MAVS: variants seen among roughly 807,000 people sequenced by gnomAD.
The protein encoded by MAVS is mitochondrial antiviral signaling protein, also known as mitochondrial antiviral-signaling protein.
MAVS carries 20 observed loss-of-function variants against 30.2 expected under a neutral mutation model. The ratio of observed to expected loss-of-function variants is 0.66; its 90% CI spans 0.47 to 0.96. The LOEUF is 0.96. Ranked by LOEUF, MAVS falls within the 40% of genes least tolerant of loss-of-function variation. The probability of loss-of-function intolerance (pLI) is 0.00; values close to 1 mark genes in which losing one functional copy is unlikely to be tolerated. For missense variants in MAVS, 624 were observed against 701.1 expected, an observed-to-expected ratio of 0.89 and a Z score of 1.24; for synonymous variants, 278 against 293.9, an observed-to-expected ratio of 0.95 and a Z score of 0.55.
At chr20:3,858,963 C>T (rs1253003041) in intron 3 of MAVS, among the ~76,000 whole-genome samples, 1 of 151,780 alleles carries the variant, frequency 6.6e-6, no homozygotes, top group Non-Finnish European at 1.5e-5. Flanking sequence ...CTACACCTGG[C>T]TAATTTTTAA....
At chr20:3,859,102 T>C (rs1220832212) in intron 3 of MAVS, among the ~76,000 whole-genome samples, 1 of 151,554 alleles carries the variant, frequency 6.6e-6, no homozygotes, top group Non-Finnish European at 1.5e-5. Flanking sequence ...CATGCTTGCT[T>C]TTCTCTCCTT....
chr20:3,853,261 C>T (rs1328428132), intron 1 of MAVS, among the ~76,000 whole-genome samples: 20 of 150,170 alleles, frequency 1.3e-4, no homozygotes, highest in South Asian at 4.2e-4. Context: ...CCGAGGCGGG[C>T]GCATCACGAG....
In MAVS at chr20:3,874,068, A is replaced by C; in HGVS notation, c.*7921A>C. ...AAGCTACAGTGAAGTCACAGGGTCGAATACTACTGCACAGCAACGAATATG... is the reference window on the plus strand; with the variant it reads ...AAGCTACAGTGAAGTCACAGGGTCGCATACTACTGCACAGCAACGAATATG... On this transcript the variant is annotated 3_prime_UTR_variant, in exon 7 of 7. Coordinates refer to ENST00000428216, the MANE Select transcript of MAVS (RefSeq NM_020746.5). 1 of 398,626 alleles carries C rather than the reference A, an allele frequency of 2.5e-6. No individual in the cohort carries two copies. The highest frequency in any genetic ancestry group is 4.4e-6 in the Non-Finnish European group (1 of 226,082). 24.7% of individuals were successfully genotyped at this position (398,626 alleles called of 1,614,324 possible).
At chr20:3,860,409 T>A (rs1187118873) in intron 3 of MAVS, among the ~76,000 whole-genome samples, 1 of 145,856 alleles carries the variant, frequency 6.9e-6, no homozygotes, top group Non-Finnish European at 1.5e-5. Context: ...AGTCTCGCTC[T>A]TGTTGCCCAG....
At chr20:3,858,513 A>G (rs1202434163) in intron 3 of MAVS, among the ~76,000 whole-genome samples, 2 of 151,910 alleles carry the variant, frequency 1.3e-5, no homozygotes, top group African/African-American at 4.8e-5. Context: ...CCCCGTCTCT[A>G]CTAAAAATAC....
chr20:3,865,321 C>T lies in MAVS; in HGVS notation c.1159-362C>T, dbSNP rs1403712610. Among the ~76,000 whole-genome samples the T allele has an allele frequency of 2.0e-5, 3 of 152,176 alleles. No homozygotes were observed. Among genetic ancestry groups the T allele is most frequent in the Non-Finnish European group, 4.4e-5 (3 of 68,036 alleles). ...GCTGTCTGCTGGGAAGAGCCAAGTC[C>T]ATAGGGCCCTTTGGGCACATGGCCA... On this transcript the variant is annotated intron_variant, in intron 6 of 6. Coordinates refer to ENST00000428216, the MANE Select transcript of MAVS (RefSeq NM_020746.5). The surrounding 1 kb of genome is among the most constrained non-coding windows in gnomAD (Gnocchi z 4.7).
chr20:3,866,412 G>A lies in MAVS; in HGVS notation c.*265G>A, dbSNP rs2089909399. 2 of 506,704 alleles carry A rather than the reference G, an allele frequency of 3.9e-6. No homozygotes were observed. The highest frequency in any genetic ancestry group is 7.0e-6 in the Non-Finnish European group (2 of 286,824). The allele number at this position is 506,704 out of a possible 1,614,324, so 31.4% of individuals were successfully genotyped here. A position where few individuals can be genotyped will look rare whatever the true frequency, so the allele number is the denominator to read the frequency against. ...CCCAGTGCTCCAGACCTTCCCCACT[G>A]GCAATCCAGGTTATCATCCATGTCC... On this transcript the variant is annotated 3_prime_UTR_variant, in exon 7 of 7. Coordinates refer to ENST00000428216, the MANE Select transcript of MAVS (RefSeq NM_020746.5).
rs905175059 is a variant in MAVS at position 3,865,368 on chromosome 20, T to C, written c.1159-315T>C. ...GCCAGGCCTCTGACCCTGTGGCTGC[T>C]CTCTAGTTCTCAGGCCCAGGCAGGA... On this transcript the variant is annotated intron_variant, in intron 6 of 6. Transcript: ENST00000428216. This position sits in a 1 kb window ranked among gnomAD's most constrained non-coding sequence, Gnocchi z 4.7. Among the ~76,000 whole-genome samples, 2 of 152,136 alleles carry C rather than the reference T, an allele frequency of 1.3e-5. No homozygotes were observed. The highest frequency in any genetic ancestry group is 4.8e-5 in the African/African-American group (2 of 41,430).
intron 3 of MAVS, among the ~76,000 whole-genome samples, chr20:3,859,431 C>T (rs1473159184): frequency 1.9e-4 from 28 of 150,808 alleles, no homozygotes; most frequent in Admixed American, 1.3e-3. Flanking sequence ...TTGCTTGAAC[C>T]GGGGAGGTGG....
At chr20:3,861,591 C>A in intron 4 of MAVS, 87 bp downstream of exon 4, 1 of 1,396,570 alleles carries the variant, frequency 7.2e-7, no homozygotes, top group Non-Finnish European at 9.8e-7. Flanking sequence ...AAACCCTCTC[C>A]CGTCCCCTAT....
Position 3,874,472 on chromosome 20 carries a change from G to C in MAVS, c.*8325G>C, listed in dbSNP as rs1057222945. On this transcript the variant is annotated 3_prime_UTR_variant, in exon 7 of 7. Transcript: ENST00000428216. ...TTGCTTGTATTTGGCAGGGGTCAAA[G>C]GCAGGCAGGGACTGTGAAATGTTAT... is the stretch of plus-strand genomic sequence containing the variant. 6.2e-5 allele frequency: 23 copies of C among 369,118 alleles called. No homozygotes were observed. The highest frequency in any genetic ancestry group is 9.6e-5 in the Non-Finnish European group (20 of 207,374). 22.9% of individuals were successfully genotyped at this position (369,118 alleles called of 1,614,324 possible).
rs751897047 is a variant in MAVS, at chr20:3,857,770, G to A, written c.253G>A (p.Ala85Thr). 24 of 1,614,086 alleles carry A rather than the reference G, an allele frequency of 1.5e-5. No homozygotes were observed. The highest frequency in any genetic ancestry group is 5.0e-5 in the Admixed American group (3 of 60,006). Residue 85 changes from alanine to threonine, a missense_variant, in exon 3 of 7, where the codon GCG becomes ACG. Transcript: ENST00000428216. ...ALRGCELVDL[A>T]DEVASVYQSY... ...GAGGGGCTGTGAGCTAGTTGATCTC[G>A]CGGACGAAGTGGCCTCTGTCTACCA...
intron 3 of MAVS, among the ~76,000 whole-genome samples, chr20:3,859,380 A>T (rs184545501): frequency 0.015 from 2,338 of 151,888 alleles, 27 homozygotes; most frequent in Non-Finnish European, 0.024. Flanking sequence ...TGGTGGTGCA[A>T]GCCTGTAATC....
At position 3,864,569 on chromosome 20, in the gene MAVS, T is replaced by C. The variant is rs1315900873; in HGVS notation, c.939T>C (p.Pro313=). The change falls in exon 6 of 7, where the codon CCT becomes CCC. Residue 313 remains proline, a synonymous_variant. Transcript: ENST00000428216. ...TGAACACAGTGGCCCTGAAAGTGCC[T>C]GCCAACCCAGCATCTGTCAGCACAG... ...MPVNTVALKV[P]ANPASVSTVP... 1 of 1,614,174 alleles carries C rather than the reference T, an allele frequency of 6.2e-7. No homozygotes were observed. The highest frequency in any genetic ancestry group is 1.7e-5 in the Admixed American group (1 of 60,028).
intron 2 of MAVS, among the ~76,000 whole-genome samples, chr20:3,857,431 C>T (rs879308243): frequency 2.0e-5 from 3 of 152,244 alleles, no homozygotes; most frequent in Admixed American, 1.3e-4. Flanking sequence ...TGCCAGTTTC[C>T]GGCAGCTGCC....
intron 1 of MAVS, among the ~76,000 whole-genome samples, chr20:3,851,972 G>T (rs1191515304): frequency 2.1e-5 from 3 of 142,488 alleles, no homozygotes; most frequent in Non-Finnish European, 4.5e-5. Flanking sequence ...AAGAAAAAAA[G>T]AATGTATGTG....
At chr20:3,859,133 TCC>T (rs2089839659) in intron 3 of MAVS, among the ~76,000 whole-genome samples, 3 of 53,306 alleles carry the variant, frequency 5.6e-5, no homozygotes, top group African/African-American at 5.5e-4. Flanking sequence ...TTGCTTTTCC[TCC>T]CTCCCTCCCT....
chr20:3,853,426 C>T (rs1219913055), intron 1 of MAVS, among the ~76,000 whole-genome samples: 1 of 149,704 alleles, frequency 6.7e-6, no homozygotes, highest in Non-Finnish European at 1.5e-5. Context: ...GCGGAGCTTG[C>T]AGTGAGCCGA....
At chr20:3,853,334 A>C (rs1440709338) in intron 1 of MAVS, among the ~76,000 whole-genome samples, 2 of 151,242 alleles carry the variant, frequency 1.3e-5, no homozygotes, top group Non-Finnish European at 3.0e-5. Context: ...AAATACAAAA[A>C]AATTAGCCGG....
Sources: gnomAD v4.1 joint callset for allele counts (sites outside exome capture counted in the v4.1 genomes callset) on GRCh38, gnomAD v4.1.1 for gene constraint, Gnocchi (gnomAD v3.1) non-coding constraint, MANE v1.5 for transcripts, NCBI Gene and HGNC (gene_info 2026-07-23, HGNC 2026-07-21) for gene names.